Variants in PSMD11 observed in about 807,000 individuals in gnomAD.
PSMD11 encodes proteasome 26S subunit, non-ATPase 11.
PSMD11 carries 5 observed loss-of-function variants against 62.3 expected under a neutral mutation model. The ratio of observed to expected loss-of-function variants is 0.08; its 90% CI spans 0.04 to 0.17. The LOEUF is 0.17. Ranked by LOEUF, PSMD11 falls within the 10% of genes least tolerant of loss-of-function variation. The pLI is 1.00. For synonymous variants in PSMD11, 191 were observed against 191.8 expected (o/e 1.00, Z 0.03); for missense variants, 310 against 512.9 (o/e 0.60, Z 3.82).
At position 32,444,581 on chromosome 17, in the gene PSMD11, C is replaced by A. The variant is rs758415908; in HGVS notation, c.58C>A (p.Arg20=). 2 of 1,611,586 alleles carry A rather than the reference C, an allele frequency of 1.2e-6. No homozygotes were observed. The highest frequency in any genetic ancestry group is 2.2e-5 in the South Asian group (2 of 90,964). Residue 20 remains arginine (R), a synonymous_variant, in exon 1 of 14, where the codon CGG becomes AGG. Transcript: ENST00000261712. ...QRAQSLLSTD[R]EASIDILHSI... ...AGCCCAGTCTCTACTCAGCACCGAC[C>A]GGGAGGCCTCCATCGACATCCTCCA...
At chr17:32,454,285 G>A (rs1907587258) in intron 2 of PSMD11, among the ~76,000 whole-genome samples, 1 of 152,174 alleles carries the variant, frequency 6.6e-6, no homozygotes, top group Non-Finnish European at 1.5e-5. Flanking sequence ...TGGCTGAGTA[G>A]GGAACAGAAT....
chr17:32,476,314 T>A (rs1288601197), intron 8 of PSMD11, among the ~76,000 whole-genome samples: 2 of 151,962 alleles, frequency 1.3e-5, no homozygotes, highest in Middle Eastern at 6.8e-3. Flanking sequence ...ATAACTAGAG[T>A]TGAGGAGACA....
chr17:32,444,843 A>G, intron 1 of PSMD11: 1 of 568,916 alleles, frequency 1.8e-6, no homozygotes, highest in Non-Finnish European at 3.0e-6. Context: ...CTGCTGACTC[A>G]CGGGGGGCTC....
rs1365492449 is a variant in PSMD11, at chr17:32,454,637, C to T, written c.318+18C>T. 1 of 1,610,358 alleles carries T rather than the reference C, an allele frequency of 6.2e-7. No individual in the cohort carries two copies. Among genetic ancestry groups the T allele is most frequent in the Non-Finnish European group, 8.5e-7 (1 of 1,178,500 alleles). On this transcript the variant is annotated intron_variant, in intron 3 of 13. Coordinates refer to ENST00000261712, the MANE Select transcript of PSMD11 (RefSeq NM_002815.4). The stretch of plus-strand genomic sequence containing the variant: ...GGCAGGAGGTAAGTGATATTAATGA[C>T]AGAAAGTAGACAATATGGAGAAAAG...
intron 6 of PSMD11, 134 bp from the exon 7 acceptor site, chr17:32,473,667 A>C: frequency 1.3e-6 from 1 of 794,790 alleles, no homozygotes; most frequent in Non-Finnish European, 2.0e-6. Context: ...CTCCCATCTC[A>C]GCCTCCCAAA....
At chr17:32,468,665 A>G (rs1333191145) in intron 5 of PSMD11, among the ~76,000 whole-genome samples, 1 of 152,218 alleles carries the variant, frequency 6.6e-6, no homozygotes, top group Non-Finnish European at 1.5e-5. Context: ...AGACAAGAAG[A>G]GAGCGAGATT....
chr17:32,462,497 T>C (rs1261271807), intron 3 of PSMD11, among the ~76,000 whole-genome samples: 1 of 152,194 alleles, frequency 6.6e-6, no homozygotes, highest in East Asian at 1.9e-4. Flanking sequence ...AGTTGGAGAT[T>C]AGGTAGCCAC....
rs1908467911 is a variant in PSMD11 at position 32,480,858 on chromosome 17, G to A, written c.*106G>A. On this transcript the variant is annotated 3_prime_UTR_variant, in exon 14 of 14. Transcript: ENST00000261712. Reference sequence around the variant, plus strand: ...TTTCTTTTTGTTCTACTTTTCGCTCGGAAAGTTTTTAAATCCTCATTTGGT... The same window carrying A: ...TTTCTTTTTGTTCTACTTTTCGCTCAGAAAGTTTTTAAATCCTCATTTGGT... The A allele has an allele frequency of 8.4e-6, 4 of 474,094 alleles. No individual in the cohort carries two copies. The highest frequency in any genetic ancestry group is 1.4e-5 in the Non-Finnish European group (4 of 279,512). The allele number at this position is 474,094 out of a possible 1,614,324, so 29.4% of individuals were successfully genotyped here. A position where few individuals can be genotyped will look rare whatever the true frequency, so the allele number is the denominator to read the frequency against.
chr17:32,473,595 T>TC (rs1908235615), intron 6 of PSMD11, among the ~76,000 whole-genome samples: 1 of 151,658 alleles, frequency 6.6e-6, no homozygotes, highest in African/African-American at 2.4e-5. Context: ...TTTTTTTTTT[T>TC]CAAGAGATGG....
intron 5 of PSMD11, among the ~76,000 whole-genome samples, chr17:32,466,332 T>C (rs1378750806): frequency 1.3e-5 from 2 of 152,122 alleles, no homozygotes; most frequent in Non-Finnish European, 2.9e-5. Context: ...AGAAACTTCC[T>C]ATTCATTAGC....
intron 6 of PSMD11, among the ~76,000 whole-genome samples, chr17:32,469,762 C>T (rs1279433739): frequency 2.0e-5 from 3 of 151,748 alleles, no homozygotes; most frequent in Non-Finnish European, 2.9e-5. Context: ...AAGCAGAAGA[C>T]GAGTTTAAGT....
At chr17:32,477,452 C>G (rs191560655) in intron 8 of PSMD11, 69 bp from the exon 9 acceptor site, 1 of 1,367,012 alleles carries the variant, frequency 7.3e-7, no homozygotes, top group East Asian at 2.4e-5. Context: ...CAGCATACTG[C>G]TTATGAGACT....
intron 2 of PSMD11, among the ~76,000 whole-genome samples, chr17:32,448,024 G>T (rs908190528): frequency 6.6e-6 from 1 of 151,772 alleles, no homozygotes; most frequent in Non-Finnish European, 1.5e-5. Context: ...GGAATTACAG[G>T]CACGCGCCAC....
rs1416747330 is a variant in PSMD11 at position 32,469,160 on chromosome 17, C to T, written c.610C>T (p.Pro204Ser). 2 of 1,613,956 alleles carry T rather than the reference C, an allele frequency of 1.2e-6. No individual in the cohort carries two copies. Among genetic ancestry groups the T allele is most frequent in the Admixed American group, 1.7e-5 (1 of 59,978 alleles). ...RTTANAIYCP[P>S]KLQATLDMQS... is the part of the protein sequence containing the mutation. The stretch of plus-strand genomic sequence containing the variant: ...CACAGCAAATGCCATCTACTGCCCC[C>T]CTAAATTGCAGGCCACCTTGGACAT... The change falls in exon 6 of 14, where the codon CCT becomes TCT. Residue 204 changes from proline (P) to serine (S), a missense_variant. Pro to Ser is a moderately conservative substitution (Grantham distance 74). Coordinates refer to ENST00000261712, the MANE Select transcript of PSMD11 (RefSeq NM_002815.4).
rs998942336 is a variant in PSMD11, at chr17:32,477,582, A to G, written c.911A>G (p.Lys304Arg). 4.4e-6 allele frequency: 7 copies of G among 1,608,598 alleles called. No individual in the cohort carries two copies. Among genetic ancestry groups the G allele is most frequent in the African/African-American group, 1.3e-5 (1 of 74,802 alleles). Reference protein sequence around the residue: ...SKNRSLADFEKALTDYRAELR... With the variant: ...SKNRSLADFERALTDYRAELR... ...AACAGATCACTGGCAGATTTTGAAA[A>G]GGTGAGTATGATATTGGGTTGGTAT... The change falls in exon 9 of 14, where the codon AAG (lysine) becomes AGG (arginine). Residue 304 changes from lysine to arginine, a missense_variant and splice_region_variant. This residue lies in a region of PSMD11 where 135 missense variants were observed against 195.4 expected (regional missense o/e 0.69). Coordinates refer to ENST00000261712, the MANE Select transcript of PSMD11 (RefSeq NM_002815.4).
intron 10 of PSMD11, 192 bp downstream of exon 10, chr17:32,479,568 G>C (rs986165230): frequency 1.2e-6 from 1 of 833,674 alleles, no homozygotes. Flanking sequence ...GAGGCATGTG[G>C]GTTGCCCCTG....
chr17:32,471,942 C>G (rs149392017), intron 6 of PSMD11, among the ~76,000 whole-genome samples: 248 of 152,032 alleles, frequency 1.6e-3, no homozygotes, highest in Admixed American at 3.1e-3. Context: ...TATCACAGCT[C>G]CCATCGCTAT....
In PSMD11 at chr17:32,482,195, A is replaced by G. The variant is rs948106382; in HGVS notation, c.*1443A>G. The G allele has an allele frequency of 1.3e-5, 2 of 152,014 alleles. No individual in the cohort carries two copies. The highest frequency in any genetic ancestry group is 4.1e-4 in the South Asian group (2 of 4,830). The allele number at this position is 152,014 out of a possible 1,614,324, so 9.4% of individuals were successfully genotyped here. A position where few individuals can be genotyped will look rare whatever the true frequency, so the allele number is the denominator to read the frequency against. ...AGGTTTTGCATCCTCACTGAATCTGACTGGCTTTTATTTTCCTCTCCAAAA... is the reference window on the plus strand; with the variant it reads ...AGGTTTTGCATCCTCACTGAATCTGGCTGGCTTTTATTTTCCTCTCCAAAA... On this transcript the variant is annotated 3_prime_UTR_variant, in exon 14 of 14. Coordinates refer to ENST00000261712, the MANE Select transcript of PSMD11 (RefSeq NM_002815.4).
rs1458826617 is a variant in PSMD11, at chr17:32,479,384, C to A, written c.1038+8C>A. ...CCTTTTTCCAGAGTACAGGTGAGAACCCTCTGGGGACTCCATTTCTGGCCA... is the reference window on the plus strand; with the variant it reads ...CCTTTTTCCAGAGTACAGGTGAGAAACCTCTGGGGACTCCATTTCTGGCCA... On this transcript the variant is annotated splice_region_variant and intron_variant, in intron 10 of 13. Transcript: ENST00000261712. The A allele has an allele frequency of 6.2e-7, 1 of 1,613,568 alleles. No homozygotes were observed. Among genetic ancestry groups the A allele is most frequent in the East Asian group, 2.2e-5 (1 of 44,866 alleles).
Sources: allele counts gnomAD v4.1 joint callset (sites outside exome capture counted in the v4.1 genomes callset), GRCh38; gene constraint gnomAD v4.1.1; regional missense constraint gnomAD v4.1.1; transcripts MANE v1.5; gene names NCBI Gene and HGNC (gene_info 2026-07-23, HGNC 2026-07-21).